The following CABCOCO1 variants were observed in gnomAD, a reference collection of about 807,000 sequenced individuals.
The protein encoded by CABCOCO1 is ciliary-associated calcium-binding coiled-coil protein 1.
A neutral mutation model predicts 35.7 loss-of-function variants in CABCOCO1; 28 were observed. That is an observed-to-expected ratio of 0.78 (90% CI 0.58 to 1.07). The LOEUF is 1.07. CABCOCO1 is among the 50% of genes least tolerant of loss of function. CABCOCO1 has a pLI of 0.00. For synonymous variants in CABCOCO1, 95 were observed against 100.1 expected, an observed-to-expected ratio of 0.95 and a Z score of 0.30; for missense variants, 326 against 309.2, an observed-to-expected ratio of 1.05 and a Z score of -0.41.
At chr10:61,712,662 A>G (rs1376086524) in intron 5 of CABCOCO1, among the ~76,000 whole-genome samples, 1 of 152,210 alleles carries the variant, frequency 6.6e-6, no homozygotes, top group Non-Finnish European at 1.5e-5. Flanking sequence ...TCTTTAATCC[A>G]TCTTGAAATA....
chr10:61,718,874 G>A (rs1383439603), intron 5 of CABCOCO1, among the ~76,000 whole-genome samples: 1 of 152,062 alleles, frequency 6.6e-6, no homozygotes, highest in Non-Finnish European at 1.5e-5. Flanking sequence ...ACAAAAAGGT[G>A]TTCATTTCTA....
intron 5 of CABCOCO1, among the ~76,000 whole-genome samples, chr10:61,711,239 A>G (rs1435372361): frequency 2.0e-5 from 3 of 152,038 alleles, no homozygotes; most frequent in Non-Finnish European, 2.9e-5. Context: ...CACCCACTAT[A>G]TAATTCCTAC....
chr10:61,718,285 T>A (rs1840916210), intron 5 of CABCOCO1, among the ~76,000 whole-genome samples: 1 of 152,126 alleles, frequency 6.6e-6, no homozygotes, highest in African/African-American at 2.4e-5. Context: ...CATTATGATG[T>A]ATGTAGGTGT....
chr10:61,760,066 T>C lies in CABCOCO1; in HGVS notation c.560T>C (p.Ile187Thr), dbSNP rs912067668. The change falls in exon 6 of 8, where the codon ATA (isoleucine) becomes ACA (threonine). Residue 187 changes from isoleucine to threonine, a missense_variant. Ile to Thr is a moderately conservative substitution (Grantham distance 89). Coordinates refer to ENST00000648843, the MANE Select transcript of CABCOCO1 (RefSeq NM_001366906.2). ...CTTTTTTCTTCCCATCAGCAAGTGATAGAGGTTGTCAAGTCTGCATGTGGC... is the reference window on the plus strand; with the variant it reads ...CTTTTTTCTTCCCATCAGCAAGTGACAGAGGTTGTCAAGTCTGCATGTGGC... Reference protein sequence around the residue: ...EEIVIGTEQVIEVVKSACGPF... With the variant: ...EEIVIGTEQVTEVVKSACGPF... The C allele has an allele frequency of 1.9e-6, 3 of 1,612,612 alleles. No homozygotes were observed. The African/African-American group carries it at 4.0e-5, about 22-fold the overall frequency.
intron 6 of CABCOCO1, 142 bp downstream of exon 6, chr10:61,760,323 T>C (rs1055514285): frequency 1.7e-6 from 2 of 1,191,154 alleles, no homozygotes; most frequent in African/African-American, 1.5e-5. Context: ...TAAGTGTTGA[T>C]TCAAAGATGA....
intron 5 of CABCOCO1, among the ~76,000 whole-genome samples, chr10:61,735,610 T>C (rs917127324): frequency 1.3e-5 from 2 of 152,156 alleles, no homozygotes; most frequent in Non-Finnish European, 2.9e-5. Flanking sequence ...TAAGTTTATT[T>C]TAGAAATGTT....
chr10:61,712,776 T>G (rs999202627), intron 5 of CABCOCO1, among the ~76,000 whole-genome samples: 1 of 152,094 alleles, frequency 6.6e-6, no homozygotes, highest in Non-Finnish European at 1.5e-5. Context: ...TTTCCCCATT[T>G]CTTGTTTTTG....
intron 5 of CABCOCO1, among the ~76,000 whole-genome samples, chr10:61,715,077 C>T (rs189751622): frequency 2.0e-3 from 305 of 152,260 alleles, no homozygotes; most frequent in Middle Eastern, 3.4e-3. Context: ...TGTAAACCTT[C>T]TATCTCGTTG....
chr10:61,722,913 G>A (rs1841057586), intron 5 of CABCOCO1, among the ~76,000 whole-genome samples: 1 of 152,148 alleles, frequency 6.6e-6, no homozygotes, highest in Non-Finnish European at 1.5e-5. Context: ...AGTCTTCAGA[G>A]GGGAATTTTT....
chr10:61,734,113 T>C (rs946352625), intron 5 of CABCOCO1, among the ~76,000 whole-genome samples: 4 of 152,070 alleles, frequency 2.6e-5, no homozygotes, highest in Non-Finnish European at 5.9e-5. Flanking sequence ...TTATTACGTA[T>C]TTATTTCAAA....
intron 5 of CABCOCO1, among the ~76,000 whole-genome samples, chr10:61,758,783 A>G (rs1042606897): frequency 6.6e-6 from 1 of 152,064 alleles, no homozygotes; most frequent in African/African-American, 2.4e-5. Context: ...GGGCTTCTAT[A>G]TATTTACACT....
chr10:61,687,950 T>C (rs1369655319), intron 4 of CABCOCO1, among the ~76,000 whole-genome samples: 2 of 152,034 alleles, frequency 1.3e-5, no homozygotes, highest in East Asian at 3.9e-4. Context: ...TAAAAGAAAA[T>C]ATGCTTTCCT....
intron 5 of CABCOCO1, among the ~76,000 whole-genome samples, chr10:61,757,701 A>ACT (rs1841927960): frequency 5.3e-4 from 1 of 1,876 alleles, no homozygotes; most frequent in South Asian, 0.01. Flanking sequence ...ACACACACAG[A>ACT]CACACACACA....
At chr10:61,702,449 CT>C (rs1202046832) in intron 5 of CABCOCO1, among the ~76,000 whole-genome samples, 2 of 152,036 alleles carry the variant, frequency 1.3e-5, no homozygotes, top group Non-Finnish European at 2.9e-5. Flanking sequence ...TATAGGATTG[CT>C]TACAGTTGGA....
At chr10:61,703,326 C>T (rs1057245721) in intron 5 of CABCOCO1, among the ~76,000 whole-genome samples, 8 of 151,118 alleles carry the variant, frequency 5.3e-5, no homozygotes, top group African/African-American at 1.9e-4. Context: ...GAATTTTTTT[C>T]GCCCCTATTC....
At chr10:61,763,396 C>T (rs1403424272) in intron 7 of CABCOCO1, among the ~76,000 whole-genome samples, 15 of 151,724 alleles carry the variant, frequency 9.9e-5, no homozygotes, top group Non-Finnish European at 2.1e-4. Context: ...TTATCTTGGC[C>T]CTGAGATGTT....
At chr10:61,686,017 A>G in intron 3 of CABCOCO1, 24 bp from the exon 4 acceptor site, 1 of 1,571,902 alleles carries the variant, frequency 6.4e-7, no homozygotes, top group Non-Finnish European at 8.6e-7. Context: ...ATAATAATTA[A>G]GATTTCTCTG....
chr10:61,722,764 A>C (rs983655325), intron 5 of CABCOCO1, among the ~76,000 whole-genome samples: 9 of 152,118 alleles, frequency 5.9e-5, no homozygotes, highest in Non-Finnish European at 1.3e-4. Flanking sequence ...AAAATACGTA[A>C]ATTAGAAAGC....
intron 5 of CABCOCO1, among the ~76,000 whole-genome samples, chr10:61,716,040 T>G (rs1040745923): frequency 6.6e-6 from 1 of 151,992 alleles, no homozygotes; most frequent in Non-Finnish European, 1.5e-5. Flanking sequence ...ATAAATGGAA[T>G]TAAATTATAA....
Sources: allele counts gnomAD v4.1 joint callset (sites outside exome capture counted in the v4.1 genomes callset), GRCh38; gene constraint gnomAD v4.1.1; transcripts MANE v1.5; gene names NCBI Gene and HGNC (gene_info 2026-07-23, HGNC 2026-07-21).